Variants in SPECC1L observed in about 807,000 individuals in gnomAD.
The protein encoded by SPECC1L is cytospin-A.
Under a neutral mutation model 116.8 loss-of-function variants are expected in SPECC1L, and 40 were observed. That is an observed-to-expected ratio of 0.34 (90% confidence interval 0.27 to 0.45). The LOEUF is 0.45. SPECC1L is among the 20% of genes least tolerant of loss of function. The probability of loss-of-function intolerance (pLI) is 1.00; values close to 1 mark genes in which losing one functional copy is unlikely to be tolerated. For synonymous variants in SPECC1L, 504 were observed against 500.6 expected, an observed-to-expected ratio of 1.01 and a Z score of -0.09; for missense variants, 1,110 against 1,373.6, an observed-to-expected ratio of 0.81 and a Z score of 3.03.
chr22:24,325,925 C>T (rs1035496167), intron 6 of SPECC1L, among the ~76,000 whole-genome samples: 88 of 152,118 alleles, frequency 5.8e-4, no homozygotes, highest in African/African-American at 2.1e-3. Context: ...ACACTCCTAA[C>T]ATTTTTTGTT....
At chr22:24,319,711 G>A (rs995532503) in intron 4 of SPECC1L, among the ~76,000 whole-genome samples, 1 of 151,924 alleles carries the variant, frequency 6.6e-6, no homozygotes, top group Non-Finnish European at 1.5e-5. Flanking sequence ...GCTTCCTTTC[G>A]TTGTCTGTCT....
intron 14 of SPECC1L, among the ~76,000 whole-genome samples, chr22:24,397,774 T>C (rs145437358): frequency 5.2e-4 from 79 of 152,352 alleles, no homozygotes; most frequent in African/African-American, 1.8e-3. Flanking sequence ...ACCTCATTTT[T>C]AGAAGTGAAG....
chr22:24,321,147 C>G (rs2040713313), intron 4 of SPECC1L, 141 bp from the exon 5 acceptor site: 11 of 968,612 alleles, frequency 1.1e-5, no homozygotes, highest in Non-Finnish European at 1.8e-5. Context: ...TTAACAGACT[C>G]TAAGGCAAGA....
intron 11 of SPECC1L, among the ~76,000 whole-genome samples, chr22:24,355,454 T>TCCAC (rs555951163): frequency 2.9e-4 from 43 of 150,454 alleles, no homozygotes; most frequent in Admixed American, 2.1e-3. Context: ...TACCTACCTA[T>TCCAC]CCACCCACCC....
At chr22:24,355,442 T>C (rs2041512453) in intron 11 of SPECC1L, among the ~76,000 whole-genome samples, 1 of 152,054 alleles carries the variant, frequency 6.6e-6, no homozygotes, top group South Asian at 2.1e-4. Context: ...TGTCTGTCTG[T>C]CTACCTACCT....
chr22:24,401,300 G>T (rs998539425), intron 14 of SPECC1L, among the ~76,000 whole-genome samples: 6 of 152,196 alleles, frequency 3.9e-5, no homozygotes, highest in Non-Finnish European at 1.5e-5. Context: ...TTCAGATTCT[G>T]TTGGTTCCTT....
intron 11 of SPECC1L, among the ~76,000 whole-genome samples, chr22:24,356,422 A>G (rs1002314168): frequency 6.6e-6 from 1 of 151,878 alleles, no homozygotes. Context: ...TATTATTATT[A>G]TATTTTTTAA....
At chr22:24,307,863 T>C (rs1347405070) in intron 3 of SPECC1L, among the ~76,000 whole-genome samples, 2 of 151,822 alleles carry the variant, frequency 1.3e-5, no homozygotes, top group African/African-American at 2.4e-5. Context: ...TCTAAAAGTG[T>C]TTTTCTAAAT....
intron 14 of SPECC1L, among the ~76,000 whole-genome samples, chr22:24,376,241 G>T (rs1267328107): frequency 6.6e-6 from 1 of 152,138 alleles, no homozygotes; most frequent in Non-Finnish European, 1.5e-5. Flanking sequence ...CCCAGTCTAG[G>T]TTCAGACTTC....
chr22:24,402,281 C>T (rs1402178396), intron 14 of SPECC1L, among the ~76,000 whole-genome samples: 1 of 152,042 alleles, frequency 6.6e-6, no homozygotes, highest in Non-Finnish European at 1.5e-5. Flanking sequence ...GGTTACCCCA[C>T]AGGCACCACC....
chr22:24,319,363 T>TAC (rs2040672237), intron 4 of SPECC1L, among the ~76,000 whole-genome samples: 1 of 152,198 alleles, frequency 6.6e-6, no homozygotes, highest in South Asian at 2.1e-4. Flanking sequence ...CCATCGGCTG[T>TAC]CATGAGAACT....
At chr22:24,330,102 AATAG>A (rs1320024562) in intron 7 of SPECC1L, among the ~76,000 whole-genome samples, 150 bp from the exon 8 acceptor site, 2 of 152,232 alleles carry the variant, frequency 1.3e-5, no homozygotes, top group African/African-American at 4.8e-5. Flanking sequence ...GCCTGTTAGA[AATAG>A]ATACTAGCAA....
At chr22:24,405,405 C>T (rs1390115274) in intron 14 of SPECC1L, among the ~76,000 whole-genome samples, 7 of 151,276 alleles carry the variant, frequency 4.6e-5, no homozygotes, top group East Asian at 2.0e-4. Flanking sequence ...ATTGCGGCCA[C>T]GTCCCCAGGA....
chr22:24,344,545 T>C (rs546419554), intron 10 of SPECC1L, among the ~76,000 whole-genome samples: 115 of 151,468 alleles, frequency 7.6e-4, no homozygotes, highest in Admixed American at 1.8e-3. Context: ...TCACCACTTT[T>C]GTTCAGCATT....
intron 4 of SPECC1L, among the ~76,000 whole-genome samples, chr22:24,321,058 A>T (rs2040711267): frequency 6.6e-6 from 1 of 152,256 alleles, no homozygotes; most frequent in African/African-American, 2.4e-5. Context: ...TTTTAAAAAC[A>T]TGTAAAACAA....
At chr22:24,296,083 G>T (rs4049944) in intron 2 of SPECC1L, among the ~76,000 whole-genome samples, 62 of 151,294 alleles carry the variant, frequency 4.1e-4, no homozygotes, top group African/African-American at 1.5e-3. Context: ...GAGATCAAAA[G>T]CTGGCATTCC....
At chr22:24,378,901 A>G (rs1046108214) in intron 14 of SPECC1L, among the ~76,000 whole-genome samples, 2 of 152,200 alleles carry the variant, frequency 1.3e-5, no homozygotes, top group Non-Finnish European at 2.9e-5. Flanking sequence ...ACCCAGAGAC[A>G]TTGAAGTGAG....
chr22:24,409,049 T>G (rs1569450956), intron 14 of SPECC1L, among the ~76,000 whole-genome samples: 1 of 152,256 alleles, frequency 6.6e-6, no homozygotes, highest in East Asian at 1.9e-4. Flanking sequence ...CTGAGCCAGG[T>G]CCCTGACTTG....
intron 4 of SPECC1L, among the ~76,000 whole-genome samples, chr22:24,320,462 C>G (rs867103865): frequency 3.6e-4 from 55 of 152,254 alleles, no homozygotes; most frequent in African/African-American, 1.3e-3. Flanking sequence ...TTTAGAGAGA[C>G]AGTATAACAT....
Sources: allele counts gnomAD v4.1 joint callset (sites outside exome capture counted in the v4.1 genomes callset), GRCh38; gene constraint gnomAD v4.1.1; transcripts MANE v1.5; gene names NCBI Gene and HGNC (gene_info 2026-07-23, HGNC 2026-07-21).